ESRRG: variants seen among roughly 807,000 people sequenced by gnomAD.
ESRRG encodes the protein estrogen-related receptor gamma.
In ESRRG, 13 loss-of-function variants were observed where a neutral mutation model predicts 44.0. The ratio of observed to expected loss-of-function variants is 0.30; its 90% CI spans 0.19 to 0.47. ESRRG has a LOEUF of 0.47. Ranked by LOEUF, ESRRG falls within the 20% of genes least tolerant of loss-of-function variation. The pLI is 1.00. For synonymous variants in ESRRG, 215 were observed against 214.6 expected (o/e 1.00, Z -0.02); for missense variants, 395 against 580.6 (o/e 0.68, Z 3.29).
chr1:217,036,492 T>A (rs1413904175), intron 1 of ESRRG, among the ~76,000 whole-genome samples: 1 of 152,046 alleles, frequency 6.6e-6, no homozygotes, highest in Non-Finnish European at 1.5e-5. Flanking sequence ...CATAAAAAGG[T>A]CCAAGATCAT....
chr1:216,967,706 C>A (rs192638324), intron 1 of ESRRG, among the ~76,000 whole-genome samples: 3 of 152,100 alleles, frequency 2.0e-5, no homozygotes, highest in African/African-American at 7.2e-5. Flanking sequence ...CATATGTGTG[C>A]ATATTTTTGT....
intron 6 of ESRRG, among the ~76,000 whole-genome samples, chr1:216,518,299 T>C (rs2045013762): frequency 6.6e-6 from 1 of 152,148 alleles, no homozygotes; most frequent in Non-Finnish European, 1.5e-5. Flanking sequence ...ACAGATTTTA[T>C]TGACAGTTTC....
chr1:216,589,876 C>CCTGGGCAA (rs2057346404), intron 3 of ESRRG, among the ~76,000 whole-genome samples: 1 of 114,898 alleles, frequency 8.7e-6, no homozygotes, highest in Non-Finnish European at 1.6e-5. Context: ...TGCACTCCAC[C>CCTGGGCAA]CTGGGCAACA....
chr1:216,598,150 C>T (rs1351300640), intron 3 of ESRRG, among the ~76,000 whole-genome samples: 2 of 152,102 alleles, frequency 1.3e-5, no homozygotes, highest in Non-Finnish European at 2.9e-5. Context: ...CTTCTAAAGA[C>T]CAATAGTTCA....
chr1:216,545,151 A>T (rs957241787), intron 5 of ESRRG, among the ~76,000 whole-genome samples: 3 of 151,704 alleles, frequency 2.0e-5, no homozygotes, highest in African/African-American at 7.3e-5. Flanking sequence ...TCAAGCAAAA[A>T]ATCCTCCTGC....
intron 2 of ESRRG, among the ~76,000 whole-genome samples, chr1:216,769,193 G>A (rs2093268863): frequency 6.6e-6 from 1 of 152,074 alleles, no homozygotes; most frequent in African/African-American, 2.4e-5. Context: ...GACCATTATG[G>A]CAGGGAATGT....
chr1:217,134,097 G>A (rs2093013298), intron 1 of ESRRG, among the ~76,000 whole-genome samples: 1 of 152,120 alleles, frequency 6.6e-6, no homozygotes, highest in African/African-American at 2.4e-5. Flanking sequence ...AGATGCGGGC[G>A]CCCCGGGTCC....
intron 1 of ESRRG, among the ~76,000 whole-genome samples, chr1:217,040,615 T>C (rs1179097885): frequency 6.6e-6 from 1 of 152,202 alleles, no homozygotes; most frequent in Non-Finnish European, 1.5e-5. Context: ...TATTAAAATT[T>C]TTTTCCTATC....
At chr1:216,565,511 A>C (rs1418074344) in intron 4 of ESRRG, among the ~76,000 whole-genome samples, 2 of 152,280 alleles carry the variant, frequency 1.3e-5, no homozygotes, top group South Asian at 4.1e-4. Flanking sequence ...TTTTAACCCA[A>C]TATAAAAACA....
chr1:216,532,718 A>G (rs1028418570), intron 5 of ESRRG, among the ~76,000 whole-genome samples: 3 of 152,114 alleles, frequency 2.0e-5, no homozygotes, highest in African/African-American at 7.2e-5. Flanking sequence ...GAAGCACATA[A>G]TCCTTTCCAA....
At chr1:216,831,895 A>T (rs929039022) in intron 2 of ESRRG, among the ~76,000 whole-genome samples, 1 of 152,212 alleles carries the variant, frequency 6.6e-6, no homozygotes. Flanking sequence ...TACATTTTTT[A>T]AAAATAGAAG....
intron 1 of ESRRG, among the ~76,000 whole-genome samples, chr1:217,043,360 CA>C (rs1579982251): frequency 6.6e-6 from 1 of 152,152 alleles, no homozygotes. Flanking sequence ...CCCATTTACA[CA>C]AACAATATAA....
At chr1:217,031,240 C>T (rs1447995948) in intron 1 of ESRRG, among the ~76,000 whole-genome samples, 1 of 152,206 alleles carries the variant, frequency 6.6e-6, no homozygotes, top group Non-Finnish European at 1.5e-5. Context: ...CCAACCACTG[C>T]TCACACCTCT....
chr1:217,124,539 T>C (rs2092864011), intron 1 of ESRRG, among the ~76,000 whole-genome samples: 1 of 152,166 alleles, frequency 6.6e-6, no homozygotes, highest in South Asian at 2.1e-4. Context: ...TGAATCAAGG[T>C]GGTGATGTGG....
chr1:216,787,977 G>A (rs371254845), intron 2 of ESRRG, among the ~76,000 whole-genome samples: 141 of 152,160 alleles, frequency 9.3e-4, no homozygotes, highest in African/African-American at 3.1e-3. Flanking sequence ...TTCAATTTCC[G>A]GAAGGCTGAG....
intron 2 of ESRRG, among the ~76,000 whole-genome samples, chr1:216,833,932 T>G (rs2095524764): frequency 6.6e-6 from 1 of 152,120 alleles, no homozygotes; most frequent in African/African-American, 2.4e-5. Flanking sequence ...GCATTTAGAG[T>G]GCATTGACCA....
chr1:217,028,298 G>A (rs1367864138), intron 1 of ESRRG, among the ~76,000 whole-genome samples: 1 of 152,182 alleles, frequency 6.6e-6, no homozygotes, highest in Non-Finnish European at 1.5e-5. Context: ...AGTAGGTGTT[G>A]CCAGAAGATG....
intron 1 of ESRRG, among the ~76,000 whole-genome samples, chr1:217,009,135 C>T (rs2078173441): frequency 6.6e-6 from 1 of 152,132 alleles, no homozygotes; most frequent in African/African-American, 2.4e-5. Flanking sequence ...AAAATGCTTC[C>T]TGCTCAAGTC....
chr1:216,616,435 T>TA (rs969826230), intron 3 of ESRRG, among the ~76,000 whole-genome samples: 1 of 152,220 alleles, frequency 6.6e-6, no homozygotes, highest in African/African-American at 2.4e-5. Context: ...CGTGTCTGAT[T>TA]AAAAAAATTT....
Sources: allele counts gnomAD v4.1 joint callset (sites outside exome capture counted in the v4.1 genomes callset), GRCh38; gene constraint gnomAD v4.1.1; transcripts MANE v1.5; gene names NCBI Gene and HGNC (gene_info 2026-07-23, HGNC 2026-07-21).